PRKN: variants seen among roughly 807,000 people sequenced by gnomAD.
PRKN encodes parkin RBR E3 ubiquitin protein ligase.
Under a neutral mutation model 59.5 loss-of-function variants are expected in PRKN, and 56 were observed. The observed-to-expected ratio is 0.94, with a 90% CI of 0.76 to 1.18. The LOEUF is 1.18. Ranked by LOEUF, PRKN falls within the 50% of genes most tolerant of loss-of-function variation. The pLI, the probability that PRKN is intolerant of heterozygous loss-of-function variation, is 0.00. For missense variants in PRKN, 657 were observed against 596.4 expected, an observed-to-expected ratio of 1.10 and a Z score of -1.06; for synonymous variants, 250 against 222.1, an observed-to-expected ratio of 1.13 and a Z score of -1.12.
intron 5 of PRKN, among the ~76,000 whole-genome samples, chr6:162,051,698 T>C (rs1013535737): frequency 1.7e-4 from 26 of 152,120 alleles, no homozygotes; most frequent in African/African-American, 5.6e-4. Flanking sequence ...CCAGGGCTGA[T>C]GGGAAGAAGC....
intron 4 of PRKN, among the ~76,000 whole-genome samples, chr6:162,097,857 C>T (rs779449085): frequency 2.6e-5 from 4 of 152,158 alleles, no homozygotes; most frequent in Non-Finnish European, 4.4e-5. Flanking sequence ...AGGAAACCAA[C>T]GAAAAGCTTC....
At chr6:162,029,070 A>G (rs1206093194) in intron 5 of PRKN, among the ~76,000 whole-genome samples, 1 of 152,154 alleles carries the variant, frequency 6.6e-6, no homozygotes, top group East Asian at 1.9e-4. Flanking sequence ...TTTGTGCCCA[A>G]ATACAATCAG....
chr6:162,252,522 T>A (rs995589142), intron 3 of PRKN, among the ~76,000 whole-genome samples: 1 of 152,182 alleles, frequency 6.6e-6, no homozygotes, highest in Admixed American at 6.6e-5. Context: ...TGTGATGGCA[T>A]TCAGACATAA....
In PRKN at chr6:162,322,184, T is replaced by A. The variant is rs542113831; in HGVS notation, c.172-59419A>T. ...TATACAAAATATCTAAAATTGGAAT[T>A]AAGAAACACCATTTACAATAGATCA... On this transcript the variant is annotated intron_variant, in intron 2 of 11. Coordinates refer to ENST00000366898, the MANE Select transcript of PRKN (RefSeq NM_004562.3). 2.7e-5 allele frequency among the ~76,000 whole-genome samples: 4 copies of A among 148,296 alleles called. No homozygotes were observed. The East Asian group carries it at 7.8e-4, about 29-fold the overall frequency.
chr6:162,173,140 T>C (rs892256735), intron 4 of PRKN, among the ~76,000 whole-genome samples: 3 of 152,194 alleles, frequency 2.0e-5, no homozygotes, highest in East Asian at 1.9e-4. Context: ...AAACAGGACA[T>C]TGGCCATCCT....
intron 2 of PRKN, among the ~76,000 whole-genome samples, chr6:162,433,951 T>G (rs1789654768): frequency 6.6e-6 from 1 of 152,130 alleles, no homozygotes; most frequent in African/African-American, 2.4e-5. Context: ...TCTATTAATT[T>G]AAAAAGCAGA....
intron 1 of PRKN, among the ~76,000 whole-genome samples, chr6:162,501,861 T>G (rs1793390714): frequency 1.3e-5 from 2 of 152,046 alleles, no homozygotes; most frequent in African/African-American, 2.4e-5. Context: ...TATTCACCCT[T>G]AGGCCACACA....
chr6:162,377,281 A>G (rs1474556), intron 2 of PRKN, among the ~76,000 whole-genome samples: 38,255 of 152,084 alleles, frequency 0.25, 4,970 homozygotes, highest in Non-Finnish European at 0.25. Context: ...GGAACACAGA[A>G]TGTGCATACA....
At chr6:162,313,020 T>C (rs1007349580) in intron 2 of PRKN, among the ~76,000 whole-genome samples, 3 of 152,190 alleles carry the variant, frequency 2.0e-5, no homozygotes, top group Non-Finnish European at 4.4e-5. Context: ...GATTGACCTA[T>C]GCTCTCAGGC....
rs577066014 is a variant in PRKN at position 161,983,963 on chromosome 6, C to T, written c.619-10546G>A. On this transcript the variant is annotated intron_variant, in intron 5 of 11. Coordinates refer to ENST00000366898, the MANE Select transcript of PRKN (RefSeq NM_004562.3). ...AGTCATTACTGACCCTTATAAAATG[C>T]GTGAAAACTAGGAAAACTAATATTC... Among the ~76,000 whole-genome samples, 6 of 152,004 alleles carry T rather than the reference C, an allele frequency of 3.9e-5. No homozygotes were observed. The South Asian group carries it at 6.3e-4, about 16-fold the overall frequency.
intron 9 of PRKN, among the ~76,000 whole-genome samples, chr6:161,441,561 C>T (rs1473007118): frequency 6.7e-6 from 1 of 149,798 alleles, no homozygotes; most frequent in Non-Finnish European, 1.5e-5. Flanking sequence ...AGGAGAATCA[C>T]TTGAACCTGG....
intron 5 of PRKN, among the ~76,000 whole-genome samples, chr6:161,995,804 A>G (rs1487872295): frequency 2.0e-5 from 3 of 152,146 alleles, no homozygotes; most frequent in African/African-American, 7.2e-5. Context: ...CACTGTTGTA[A>G]CCTGTAAATT....
intron 5 of PRKN, among the ~76,000 whole-genome samples, chr6:162,010,532 T>A (rs796152052): frequency 4.3e-4 from 3 of 6,928 alleles, no homozygotes; most frequent in African/African-American, 3.0e-3. Context: ...TATAATATAT[T>A]ATATAATGTA....
intron 9 of PRKN, among the ~76,000 whole-genome samples, chr6:161,521,657 A>T (rs1778829918): frequency 6.6e-6 from 1 of 152,206 alleles, no homozygotes; most frequent in Non-Finnish European, 1.5e-5. Flanking sequence ...TATTATACAC[A>T]TTACTAACGT....
At chr6:162,238,503 C>A (rs1244199476) in intron 3 of PRKN, among the ~76,000 whole-genome samples, 1 of 152,114 alleles carries the variant, frequency 6.6e-6, no homozygotes, top group African/African-American at 2.4e-5. Flanking sequence ...TCTGATCAAG[C>A]CTAGACAAAG....
chr6:162,054,478 A>G (rs1413094056), intron 4 of PRKN, among the ~76,000 whole-genome samples: 2 of 152,202 alleles, frequency 1.3e-5, no homozygotes, highest in Non-Finnish European at 2.9e-5. Flanking sequence ...GCCATCCCTG[A>G]CTTTGCTCCA....
At chr6:162,024,449 G>A (rs1460092215) in intron 5 of PRKN, among the ~76,000 whole-genome samples, 1 of 152,032 alleles carries the variant, frequency 6.6e-6, no homozygotes. Flanking sequence ...CACCGGCCTC[G>A]GCCTCTCAAA....
intron 10 of PRKN, among the ~76,000 whole-genome samples, chr6:161,380,861 C>T (rs1263883497): frequency 6.6e-6 from 1 of 152,164 alleles, no homozygotes; most frequent in Non-Finnish European, 1.5e-5. Context: ...TACCATTGGG[C>T]TCACATTTCT....
chr6:162,485,087 G>A (rs1792482640), intron 1 of PRKN, among the ~76,000 whole-genome samples: 1 of 152,088 alleles, frequency 6.6e-6, no homozygotes, highest in Non-Finnish European at 1.5e-5. Context: ...AATTTCAGAA[G>A]TTTTGTAGTA....
Sources: allele counts gnomAD v4.1 joint callset (sites outside exome capture counted in the v4.1 genomes callset), GRCh38; gene constraint gnomAD v4.1.1; transcripts MANE v1.5; gene names NCBI Gene and HGNC (gene_info 2026-07-23, HGNC 2026-07-21).